Variants in DNAH9 observed in about 807,000 individuals in gnomAD.
DNAH9 encodes DNAH9 variant protein.
Under a neutral mutation model 471.6 loss-of-function variants are expected in DNAH9, and 345 were observed. The ratio of observed to expected loss-of-function variants is 0.73; its 90% CI spans 0.67 to 0.80. The LOEUF (loss-of-function observed/expected upper bound fraction) is 0.80, where lower values mean the gene tolerates loss of function less well. Ranked by LOEUF, DNAH9 falls within the 30% of genes least tolerant of loss-of-function variation. DNAH9 has a pLI of 0.00. For missense variants in DNAH9, 5,407 were observed against 5,609.2 expected (o/e 0.96, Z 1.15); for synonymous variants, 2,093 against 2,123.6 (o/e 0.99, Z 0.40).
rs1970225295 is a variant in DNAH9 at position 11,819,297 on chromosome 17, G to A, written c.8708-2623G>A. On this transcript the variant is annotated intron_variant, in intron 45 of 68. Transcript: ENST00000262442. The stretch of plus-strand genomic sequence containing the variant: ...GAGGTATCACCGCTTTCCCAAAAAT[G>A]CAGTTTCAATAAGAAATCAAATGGG... Among the ~76,000 whole-genome samples the A allele has an allele frequency of 2.0e-5, 3 of 152,140 alleles. No homozygotes were observed. In the South Asian group the frequency reaches 6.2e-4, roughly 32 times the overall value.
intron 1 of DNAH9, among the ~76,000 whole-genome samples, chr17:11,601,767 A>G (rs1278186002): frequency 1.3e-5 from 2 of 151,922 alleles, no homozygotes; most frequent in Non-Finnish European, 2.9e-5. Context: ...AATCAGCTTA[A>G]TAGTCTCTGA....
At chr17:11,788,153 T>C (rs1968936445) in intron 41 of DNAH9, among the ~76,000 whole-genome samples, 1 of 152,198 alleles carries the variant, frequency 6.6e-6, no homozygotes, top group South Asian at 2.1e-4. Flanking sequence ...TTTATAAACT[T>C]CAACTGATAG....
chr17:11,901,694 T>TCAAAA (rs1342691451), intron 59 of DNAH9, among the ~76,000 whole-genome samples: 1 of 152,188 alleles, frequency 6.6e-6, no homozygotes, highest in Admixed American at 6.5e-5. Context: ...ACACTCCGTC[T>TCAAAA]CAAAACAAAA....
intron 22 of DNAH9, among the ~76,000 whole-genome samples, chr17:11,695,738 T>C (rs953777707): frequency 6.6e-6 from 1 of 152,242 alleles, no homozygotes; most frequent in Non-Finnish European, 1.5e-5. Flanking sequence ...TCTGATTCAC[T>C]ACGTCTGGGT....
chr17:11,651,204 T>G lies in DNAH9; in HGVS notation c.2233T>G (p.Trp745Gly). ...GGCTAATTTAGAGTTGATGGCAAAT[T>G]GGTACAACAAGGTTATGAAAACTCT... Reference protein sequence around the residue: ...LVANLELMANWYNKVMKTLLE... With the variant: ...LVANLELMANGYNKVMKTLLE... The change falls in exon 13 of 69, where the codon TGG becomes GGG. Residue 745 changes from tryptophan to glycine, a missense_variant. Trp to Gly is a radical substitution (Grantham distance 184). Around this residue, in one of 3 missense-constraint regions of DNAH9, gnomAD observed 4,636 missense variants for 4,900.3 expected, o/e 0.95. Transcript: ENST00000262442. 6.2e-7 allele frequency: 1 copy of G among 1,614,078 alleles called. No individual in the cohort carries two copies. Among genetic ancestry groups the G allele is most frequent in the Non-Finnish European group, 8.5e-7 (1 of 1,180,014 alleles).
chr17:11,875,118 A>G lies in DNAH9; in HGVS notation c.10412A>G (p.Gln3471Arg). 1 of 1,614,180 alleles carries G rather than the reference A, an allele frequency of 6.2e-7. No homozygotes were observed. The highest frequency in any genetic ancestry group is 8.5e-7 in the Non-Finnish European group (1 of 1,180,030). Reference sequence around the variant, plus strand: ...CCACTCATGGTTGACCCTCAGCTACAAGGCATCAAATGGATCAAGAATAAA... The same window carrying G: ...CCACTCATGGTTGACCCTCAGCTACGAGGCATCAAATGGATCAAGAATAAA... The part of the protein sequence containing the change: ...RWPLMVDPQL[Q>R]GIKWIKNKYG... Residue 3471 changes from glutamine to arginine, a missense_variant, in exon 53 of 69, where the codon CAA becomes CGA. Transcript: ENST00000262442.
rs778121725 is a variant in DNAH9 at position 11,742,135 on chromosome 17, C to T, written c.5973-40C>T. The T allele has an allele frequency of 4.4e-6, 7 of 1,607,238 alleles. No homozygotes were observed. In the African/African-American group the frequency reaches 9.4e-5, roughly 21 times the overall value. ...TTGCAGTCTCCTCTTCAACACTGTA[C>T]TTGGGAAACTGACTGGGCCTTCTGT... is the stretch of plus-strand genomic sequence containing the variant. On this transcript the variant is annotated intron_variant, in intron 29 of 68. Coordinates refer to ENST00000262442, the MANE Select transcript of DNAH9 (RefSeq NM_001372.4).
At chr17:11,771,924 T>G (rs1025462209) in intron 38 of DNAH9, among the ~76,000 whole-genome samples, 1 of 152,198 alleles carries the variant, frequency 6.6e-6, no homozygotes, top group Non-Finnish European at 1.5e-5. Flanking sequence ...AATAAGAATT[T>G]GTATTACCTT....
intron 48 of DNAH9, among the ~76,000 whole-genome samples, chr17:11,823,946 A>C (rs1471761900): frequency 2.0e-5 from 3 of 151,436 alleles, no homozygotes; most frequent in Non-Finnish European, 4.4e-5. Context: ...AAAAAAAGAA[A>C]GAAAAAAAGA....
At chr17:11,683,521 G>C (rs984404877) in intron 19 of DNAH9, among the ~76,000 whole-genome samples, 2 of 152,134 alleles carry the variant, frequency 1.3e-5, no homozygotes, top group Non-Finnish European at 2.9e-5. Context: ...CAAAGATGTT[G>C]GGGAAAATAT....
At chr17:11,873,885 C>T (rs545376645) in intron 52 of DNAH9, among the ~76,000 whole-genome samples, 1 of 152,138 alleles carries the variant, frequency 6.6e-6, no homozygotes, top group South Asian at 2.1e-4. Flanking sequence ...TAATTTATTT[C>T]ATATCAATGT....
intron 2 of DNAH9, 66 bp from the exon 3 acceptor site, chr17:11,610,330 G>C: frequency 7.5e-7 from 1 of 1,340,662 alleles, no homozygotes. Flanking sequence ...GTACACCCAG[G>C]GTTATTTTCA....
At chr17:11,925,201 C>T (rs1974281635) in intron 62 of DNAH9, 5 of 455,760 alleles carry the variant, frequency 1.1e-5, no homozygotes, top group Non-Finnish European at 2.2e-5. Context: ...ACCCAGCCCA[C>T]TGCCTTGAAC....
intron 67 of DNAH9, among the ~76,000 whole-genome samples, chr17:11,952,440 T>C (rs1289730747): frequency 6.7e-6 from 1 of 149,456 alleles, no homozygotes; most frequent in African/African-American, 2.5e-5. Context: ...ATAATAGGCA[T>C]GAGCCACTGT....
chr17:11,791,251 A>G (rs2150906210), intron 41 of DNAH9, among the ~76,000 whole-genome samples: 1 of 152,240 alleles, frequency 6.6e-6, no homozygotes, highest in African/African-American at 2.4e-5. Flanking sequence ...AGCACTTTGA[A>G]GGCTTCTTTT....
At chr17:11,893,580 C>T (rs970555774) in intron 58 of DNAH9, among the ~76,000 whole-genome samples, 4 of 152,178 alleles carry the variant, frequency 2.6e-5, no homozygotes, top group Non-Finnish European at 4.4e-5. Flanking sequence ...ATAGATGAAG[C>T]TGGAAACCAT....
At chr17:11,683,330 T>C (rs2074170549) in intron 19 of DNAH9, among the ~76,000 whole-genome samples, 1 of 152,078 alleles carries the variant, frequency 6.6e-6, no homozygotes, top group Non-Finnish European at 1.5e-5. Context: ...CCCACCACCA[T>C]GCCTGGCTAA....
chr17:11,858,374 A>T (rs1421723784), intron 50 of DNAH9, among the ~76,000 whole-genome samples: 3 of 152,238 alleles, frequency 2.0e-5, no homozygotes, highest in Non-Finnish European at 4.4e-5. Context: ...CTATTTGCAG[A>T]TGATTTAATT....
At chr17:11,620,098 C>T (rs1298303624) in intron 6 of DNAH9, among the ~76,000 whole-genome samples, 1 of 152,042 alleles carries the variant, frequency 6.6e-6, no homozygotes, top group East Asian at 1.9e-4. Context: ...ACCTGTAGTC[C>T]CAGCTACTCG....
Sources: allele counts gnomAD v4.1 joint callset (sites outside exome capture counted in the v4.1 genomes callset), GRCh38; gene constraint gnomAD v4.1.1; regional missense constraint gnomAD v4.1.1; transcripts MANE v1.5; gene names NCBI Gene and HGNC (gene_info 2026-07-23, HGNC 2026-07-21).